The following FXYD7 variants were observed in gnomAD, a reference collection of about 807,000 sequenced individuals.
FXYD7 encodes the protein FXYD domain-containing ion transport regulator 7.
Under a neutral mutation model 15.3 loss-of-function variants are expected in FXYD7, and 7 were observed. That is an observed-to-expected ratio of 0.46 (90% CI 0.26 to 0.86). The LOEUF (loss-of-function observed/expected upper bound fraction) is 0.86, where lower values mean the gene tolerates loss of function less well. Among genes scored for constraint, FXYD7 ranks in the 40% least tolerant of loss-of-function variants. FXYD7 has a pLI of 0.16. For synonymous variants in FXYD7, 39 were observed against 39.3 expected (o/e 0.99, Z 0.03); for missense variants, 78 against 100.6 (o/e 0.78, Z 0.96).
chr19:35,153,925 C>A lies in FXYD7; in HGVS notation c.*9C>A, dbSNP rs113337194. The A allele has an allele frequency of 1.9e-6, 3 of 1,611,524 alleles. No individual in the cohort carries two copies. The highest frequency in any genetic ancestry group is 2.5e-6 in the Non-Finnish European group (3 of 1,178,566). ...GTGGCGGCGGCGTGTAACACCTTCC[C>A]GAGGAAACTCCGCTGCCGACCCTGC... On this transcript the variant is annotated 3_prime_UTR_variant, in exon 6 of 6. Transcript: ENST00000270310.
chr19:35,146,036 C>T (rs1446627511), intron 1 of FXYD7, among the ~76,000 whole-genome samples: 2 of 152,224 alleles, frequency 1.3e-5, no homozygotes, highest in Non-Finnish European at 2.9e-5. Context: ...TTTGGCTTCC[C>T]AAAGTGCTTA....
intron 5 of FXYD7, 93 bp downstream of exon 5, chr19:35,151,766 C>CTGGGGGGGGTTGG: frequency 1.3e-6 from 1 of 754,936 alleles, no homozygotes; most frequent in Non-Finnish European, 2.4e-6. Flanking sequence ...GGACTGGACG[C>CTGGGGGGGGTTGG]AGGGGGCGGA....
chr19:35,150,636 T>C (rs1004926752), intron 2 of FXYD7, among the ~76,000 whole-genome samples: 7 of 151,996 alleles, frequency 4.6e-5, no homozygotes, highest in Non-Finnish European at 1.0e-4. Context: ...TGCAAAGGCC[T>C]TGGGATAGGA....
Position 35,152,134 on chromosome 19 carries a change from C to CAAAAAAAA in FXYD7, c.220+475_220+482dup, listed in dbSNP as rs71167517. ...AGCCTGGGTGATAGAGTGAGACTGT[C>CAAAAAAAA]AAAAAAAAAAAAAAAAAAAAAGAGG... is the stretch of plus-strand genomic sequence containing the variant. On this transcript the variant is annotated intron_variant, in intron 5 of 5. Transcript: ENST00000270310. 4.9e-4 allele frequency among the ~76,000 whole-genome samples: 22 copies of CAAAAAAAA among 45,126 alleles called. 1 individual carries two copies. The East Asian group carries it at 0.013, about 26-fold the overall frequency. 29.6% of individuals were successfully genotyped at this position (45,126 alleles called of 152,430 possible). A position where few individuals can be genotyped will look rare whatever the true frequency, so the allele number is the denominator to read the frequency against.
chr19:35,148,804 T>C (rs1288075516), intron 2 of FXYD7, 81 bp downstream of exon 2: 6 of 1,257,330 alleles, frequency 4.8e-6, no homozygotes. Flanking sequence ...TGGCTTCAGC[T>C]GTGGCCACAC....
At chr19:35,148,313 G>A (rs2065297929) in intron 1 of FXYD7, among the ~76,000 whole-genome samples, 1 of 152,186 alleles carries the variant, frequency 6.6e-6, no homozygotes, top group South Asian at 2.1e-4. Flanking sequence ...GTTCACCAGT[G>A]GAAATGGGGT....
chr19:35,153,833 G>C, intron 5 of FXYD7, 61 bp from the exon 6 acceptor site: 1 of 1,530,698 alleles, frequency 6.5e-7, no homozygotes, highest in Admixed American at 1.7e-5. Flanking sequence ...GAGCCAACGA[G>C]CTGTGGGGAG....
At chr19:35,144,973 G>C (rs1389571091) in intron 1 of FXYD7, among the ~76,000 whole-genome samples, 1 of 152,132 alleles carries the variant, frequency 6.6e-6, no homozygotes, top group East Asian at 1.9e-4. Context: ...CCTCCACCCT[G>C]CCAGAGAACA....
chr19:35,153,983 C>A lies in FXYD7; in HGVS notation c.*67C>A. ...CGGGAGCCTGAGGACCGGGTGGAGGCGGTGGGGACCCAGCCGCGCGCCGGG... is the reference window on the plus strand; with the variant it reads ...CGGGAGCCTGAGGACCGGGTGGAGGAGGTGGGGACCCAGCCGCGCGCCGGG... On this transcript the variant is annotated 3_prime_UTR_variant, in exon 6 of 6. Transcript: ENST00000270310. The A allele has an allele frequency of 4.7e-6, 7 of 1,499,944 alleles. No homozygotes were observed. The highest frequency in any genetic ancestry group is 6.5e-6 in the Non-Finnish European group (7 of 1,085,088). The allele number at this position is 1,499,944 out of a possible 1,614,324, so 92.9% of individuals were successfully genotyped here.
intron 1 of FXYD7, among the ~76,000 whole-genome samples, chr19:35,147,971 T>G (rs1314780705): frequency 1.4e-5 from 2 of 145,978 alleles, no homozygotes; most frequent in Non-Finnish European, 3.0e-5. Context: ...CCAGCCTGGG[T>G]GACAGGGCAA....
In FXYD7 at chr19:35,150,919, G is replaced by T. The variant is rs533344991; in HGVS notation, c.62-335G>T. Among the ~76,000 whole-genome samples the T allele has an allele frequency of 1.7e-4, 26 of 152,230 alleles. No homozygotes were observed. The South Asian group carries it at 5.2e-3, about 30-fold the overall frequency. On this transcript the variant is annotated intron_variant, in intron 2 of 5. Coordinates refer to ENST00000270310, the MANE Select transcript of FXYD7 (RefSeq NM_022006.2). ...GGCAGGCCAGCAAGACCCTAGAGAA[G>T]GCTGCTGCAGAGGCCAGATGGGCGA... is the stretch of plus-strand genomic sequence containing the variant.
chr19:35,146,989 G>A (rs999167810), intron 1 of FXYD7, among the ~76,000 whole-genome samples: 2 of 152,208 alleles, frequency 1.3e-5, no homozygotes, highest in African/African-American at 2.4e-5. Context: ...TTCAGCTAGA[G>A]TATGCTGTGG....
chr19:35,148,016 GAAGA>G (rs1484646807), intron 1 of FXYD7, among the ~76,000 whole-genome samples: 1 of 96,198 alleles, frequency 1.0e-5, no homozygotes, highest in Non-Finnish European at 2.0e-5. Flanking sequence ...AGGAAAGAAA[GAAGA>G]AAGAAGGAAA....
At chr19:35,149,998 C>T (rs1055443028) in intron 2 of FXYD7, among the ~76,000 whole-genome samples, 13 of 152,006 alleles carry the variant, frequency 8.6e-5, no homozygotes, top group African/African-American at 3.1e-4. Context: ...CTCACTGCAA[C>T]TCCCGCCTCC....
chr19:35,150,577 G>A (rs776995413), intron 2 of FXYD7, among the ~76,000 whole-genome samples: 4 of 152,250 alleles, frequency 2.6e-5, no homozygotes, highest in African/African-American at 4.8e-5. Context: ...GAGGGAAGGA[G>A]CCACGTGGAT....
intron 1 of FXYD7, among the ~76,000 whole-genome samples, chr19:35,147,306 G>T (rs568771786): frequency 6.6e-6 from 1 of 152,152 alleles, no homozygotes. Flanking sequence ...GAACACCAAC[G>T]ACATCAGGCA....
intron 2 of FXYD7, 148 bp from the exon 3 acceptor site, chr19:35,151,106 C>T (rs2065308005): frequency 7.0e-6 from 5 of 710,954 alleles, no homozygotes; most frequent in South Asian, 4.7e-5. Flanking sequence ...TACATCCTCA[C>T]ATCAACCCCC....
Position 35,143,372 on chromosome 19 carries a change from T to C in FXYD7, c.31+8T>C. 1 of 1,510,444 alleles carries C rather than the reference T, an allele frequency of 6.6e-7. No homozygotes were observed. The highest frequency in any genetic ancestry group is 1.7e-4 in the Middle Eastern group (1 of 5,820). The allele number at this position is 1,510,444 out of a possible 1,614,324, so 93.6% of individuals were successfully genotyped here. A position where few individuals can be genotyped will look rare whatever the true frequency, so the allele number is the denominator to read the frequency against. On this transcript the variant is annotated splice_region_variant and intron_variant, in intron 1 of 5. Transcript: ENST00000270310. The surrounding 1 kb of genome is among the most constrained non-coding windows in gnomAD (Gnocchi z 4.3). The stretch of plus-strand genomic sequence containing the variant: ...CCCAGACCCCCACAAAGGGTGAGCG[T>C]CGTTTGGGGAGGGGGTTGCAGGGGG...
At chr19:35,151,748 G>T (rs36072726) in intron 5 of FXYD7, 75 bp downstream of exon 5, 66,149 of 988,180 alleles carry the variant, frequency 0.067, 3,127 homozygotes, top group South Asian at 0.14. Context: ...AAGGGAAGTC[G>T]CGGGGATGGA....
Sources: allele counts gnomAD v4.1 joint callset (sites outside exome capture counted in the v4.1 genomes callset), GRCh38; gene constraint gnomAD v4.1.1; non-coding constraint Gnocchi (gnomAD v3.1); transcripts MANE v1.5; gene names NCBI Gene and HGNC (gene_info 2026-07-23, HGNC 2026-07-21).